CTNNA3: variants seen among roughly 807,000 people sequenced by gnomAD.
CTNNA3 encodes catenin alpha 3.
A neutral mutation model predicts 95.7 loss-of-function variants in CTNNA3; 76 were observed. The observed-to-expected ratio is 0.79, with a 90% CI of 0.66 to 0.96. The LOEUF is 0.96. Ranked by LOEUF, CTNNA3 falls within the 40% of genes least tolerant of loss-of-function variation. The pLI, the probability that CTNNA3 is intolerant of heterozygous loss-of-function variation, is 0.00. For missense variants in CTNNA3, 1,191 were observed against 1,089.8 expected (o/e 1.09, Z -1.31); for synonymous variants, 431 against 374.4 (o/e 1.15, Z -1.74).
intron 1 of CTNNA3, among the ~76,000 whole-genome samples, chr10:67,688,163 C>T (rs1220065966): frequency 6.6e-6 from 1 of 152,206 alleles, no homozygotes; most frequent in Non-Finnish European, 1.5e-5. Flanking sequence ...CATCTGAAAA[C>T]TTCCCCAGAT....
intron 7 of CTNNA3, among the ~76,000 whole-genome samples, chr10:67,132,630 A>G (rs1341490055): frequency 3.9e-5 from 6 of 152,058 alleles, no homozygotes; most frequent in Admixed American, 3.9e-4. Context: ...AAAGAAGGTT[A>G]TCAAGGACAC....
At chr10:67,064,835 G>A (rs2133231865) in intron 7 of CTNNA3, among the ~76,000 whole-genome samples, 1 of 152,204 alleles carries the variant, frequency 6.6e-6, no homozygotes, top group East Asian at 1.9e-4. Context: ...TCAGTCAGAG[G>A]GACAGATGAA....
intron 7 of CTNNA3, among the ~76,000 whole-genome samples, chr10:67,032,955 G>A (rs993663147): frequency 6.6e-5 from 10 of 152,060 alleles, no homozygotes; most frequent in African/African-American, 2.2e-4. Flanking sequence ...GATTCAGAAT[G>A]GCTGGCTTTT....
intron 12 of CTNNA3, among the ~76,000 whole-genome samples, chr10:66,364,313 TG>T (rs80015282): frequency 0.35 from 53,475 of 151,484 alleles, 11,071 homozygotes; most frequent in Non-Finnish European, 0.47. Flanking sequence ...GAGGCTGAGG[TG>T]GGAGGATCAC....
intron 1 of CTNNA3, among the ~76,000 whole-genome samples, chr10:67,685,558 G>T (rs765255673): frequency 2.6e-4 from 40 of 152,318 alleles, no homozygotes; most frequent in Non-Finnish European, 4.7e-4. Context: ...AACTTGCTGT[G>T]TTAAGGATTT....
intron 9 of CTNNA3, among the ~76,000 whole-genome samples, chr10:66,687,932 C>G (rs527743321): frequency 6.6e-6 from 1 of 151,988 alleles, no homozygotes; most frequent in Admixed American, 6.6e-5. Context: ...GGATAACTTA[C>G]TTAATTGTGT....
chr10:66,251,995 A>G (rs150046051), intron 13 of CTNNA3, among the ~76,000 whole-genome samples: 21 of 152,306 alleles, frequency 1.4e-4, no homozygotes, highest in Non-Finnish European at 2.9e-4. Context: ...ACTCTTAACC[A>G]TTATTAAGAT....
intron 1 of CTNNA3, chr10:67,751,128 G>C (rs897812512): frequency 5.2e-6 from 7 of 1,346,134 alleles, no homozygotes; most frequent in Non-Finnish European, 7.5e-6. Context: ...TACATTGAAT[G>C]ATGAGGAGAT....
chr10:67,342,805 G>T (rs975026262), intron 5 of CTNNA3, among the ~76,000 whole-genome samples: 27 of 152,156 alleles, frequency 1.8e-4, no homozygotes, highest in African/African-American at 6.3e-4. Flanking sequence ...CTGTGTGTCT[G>T]TTTTTATGCC....
At chr10:67,165,925 T>C (rs1258822231) in intron 7 of CTNNA3, among the ~76,000 whole-genome samples, 1 of 152,232 alleles carries the variant, frequency 6.6e-6, no homozygotes, top group Non-Finnish European at 1.5e-5. Flanking sequence ...CAAATAGTGA[T>C]TATCATATCT....
chr10:67,178,457 A>G (rs1862348304), intron 7 of CTNNA3, among the ~76,000 whole-genome samples: 1 of 152,056 alleles, frequency 6.6e-6, no homozygotes, highest in African/African-American at 2.4e-5. Flanking sequence ...AATAGCAAAC[A>G]AAAATAACCT....
intron 4 of CTNNA3, among the ~76,000 whole-genome samples, chr10:67,523,588 A>C (rs902849670): frequency 1.3e-5 from 2 of 152,196 alleles, no homozygotes; most frequent in Non-Finnish European, 2.9e-5. Context: ...AAACTCGGAA[A>C]ACTCACTGAT....
intron 3 of CTNNA3, among the ~76,000 whole-genome samples, chr10:67,546,718 A>T (rs1370067915): frequency 2.0e-5 from 3 of 152,186 alleles, no homozygotes; most frequent in Admixed American, 2.0e-4. Flanking sequence ...ACCCACCAAT[A>T]AACACTTTTA....
At chr10:66,978,065 TATACACACAC>T (rs758707482) in intron 7 of CTNNA3, among the ~76,000 whole-genome samples, 125 of 41,752 alleles carry the variant, frequency 3.0e-3, no homozygotes, top group Non-Finnish European at 6.0e-3. Context: ...TATATATATA[TATACACACAC>T]ACACACACAC....
At chr10:66,189,004 C>T (rs908912040) in intron 13 of CTNNA3, among the ~76,000 whole-genome samples, 1 of 152,004 alleles carries the variant, frequency 6.6e-6, no homozygotes, top group Non-Finnish European at 1.5e-5. Context: ...TTTCATATAC[C>T]TACTAGCCAT....
At chr10:66,962,804 T>C (rs1454576576) in intron 7 of CTNNA3, among the ~76,000 whole-genome samples, 1 of 152,166 alleles carries the variant, frequency 6.6e-6, no homozygotes, top group Non-Finnish European at 1.5e-5. Context: ...TCTCCTTATT[T>C]TACTGTTCTC....
intron 14 of CTNNA3, chr10:66,084,960 C>G (rs958702251): frequency 2.0e-5 from 3 of 152,060 alleles, no homozygotes; most frequent in African/African-American, 7.2e-5. Flanking sequence ...ACCTTCTGGA[C>G]TCATCTGACA....
chr10:66,835,629 C>T (rs903429140), intron 7 of CTNNA3, among the ~76,000 whole-genome samples: 16 of 152,196 alleles, frequency 1.1e-4, no homozygotes, highest in African/African-American at 3.9e-4. Context: ...CACCACCACC[C>T]ACTGTGGGTG....
At chr10:66,845,729 A>AAAAAAAAAAAAAAAAC (rs1297933220) in intron 7 of CTNNA3, among the ~76,000 whole-genome samples, 1 of 87,734 alleles carries the variant, frequency 1.1e-5, no homozygotes, top group African/African-American at 3.7e-5. Flanking sequence ...AAAAAAAAAA[A>AAAAAAAAAAAAAAAAC]CTAAAAAGGT....
Sources: gnomAD v4.1 joint callset for allele counts (sites outside exome capture counted in the v4.1 genomes callset) on GRCh38, gnomAD v4.1.1 for gene constraint, MANE v1.5 for transcripts, NCBI Gene and HGNC (gene_info 2026-07-23, HGNC 2026-07-21) for gene names.